The following DPYD variants were observed in gnomAD, a reference collection of about 807,000 sequenced individuals.
The protein encoded by DPYD is dihydropyrimidine dehydrogenase.
A neutral mutation model predicts 116.2 loss-of-function variants in DPYD; 109 were observed. The ratio of observed to expected loss-of-function variants is 0.94; its 90% CI spans 0.80 to 1.10. DPYD has a LOEUF of 1.10. DPYD is among the 50% of genes least tolerant of loss of function. DPYD has a pLI of 0.00. For synonymous variants in DPYD, 440 were observed against 432.0 expected (o/e 1.02, Z -0.23); for missense variants, 1,302 against 1,254.5 (o/e 1.04, Z -0.57).
chr1:97,698,386 T>C (rs1051203724), intron 6 of DPYD, among the ~76,000 whole-genome samples: 1 of 151,862 alleles, frequency 6.6e-6, no homozygotes, highest in Non-Finnish European at 1.5e-5. Flanking sequence ...GCTTAGCATA[T>C]TGTTGTTTGA....
At chr1:97,641,653 G>A (rs1321359019) in intron 8 of DPYD, among the ~76,000 whole-genome samples, 1 of 152,090 alleles carries the variant, frequency 6.6e-6, no homozygotes, top group East Asian at 1.9e-4. Context: ...ACACTGAATG[G>A]GCAAAAGCTG....
intron 19 of DPYD, among the ~76,000 whole-genome samples, chr1:97,227,331 C>CAAAAAAAAAAAAAAAAAAAAAAAA (rs60992225): frequency 5.3e-4 from 14 of 26,376 alleles, no homozygotes; most frequent in East Asian, 7.1e-4. Flanking sequence ...GACTCTATCT[C>CAAAAAAAAAAAAAAAAAAAAAAAA]AAAAAAAAAA....
chr1:97,785,053 T>C (rs1364922887), intron 3 of DPYD, among the ~76,000 whole-genome samples: 2 of 152,198 alleles, frequency 1.3e-5, no homozygotes, highest in Admixed American at 1.3e-4. Context: ...AATTTATTAA[T>C]CTTTGCTGTC....
chr1:97,769,066 T>C (rs915347425), intron 3 of DPYD, among the ~76,000 whole-genome samples: 8 of 152,112 alleles, frequency 5.3e-5, no homozygotes, highest in Non-Finnish European at 1.2e-4. Flanking sequence ...TACTAAGATA[T>C]AACTTATAAG....
intron 19 of DPYD, among the ~76,000 whole-genome samples, chr1:97,221,831 C>A (rs911928267): frequency 6.6e-6 from 1 of 152,104 alleles, no homozygotes; most frequent in East Asian, 1.9e-4. Context: ...ACTCAACAAC[C>A]AACTTTGTTC....
chr1:97,762,518 C>A (rs928932750), intron 3 of DPYD, among the ~76,000 whole-genome samples: 4 of 151,992 alleles, frequency 2.6e-5, no homozygotes, highest in Non-Finnish European at 4.4e-5. Flanking sequence ...AATTATTTCC[C>A]CCTGCTTTTC....
At chr1:97,271,090 T>C (rs1292731626) in intron 18 of DPYD, among the ~76,000 whole-genome samples, 1 of 152,172 alleles carries the variant, frequency 6.6e-6, no homozygotes, top group Non-Finnish European at 1.5e-5. Context: ...TAGAGAAGGT[T>C]TGTTGGCACA....
rs920197128 is a variant in DPYD at position 97,670,364 on chromosome 1, T to G, written c.850+8731A>C. Among the ~76,000 whole-genome samples the G allele has an allele frequency of 2.6e-5, 4 of 152,160 alleles. No homozygotes were observed. In the East Asian group the frequency reaches 7.7e-4, roughly 29 times the overall value. On this transcript the variant is annotated intron_variant, in intron 8 of 22. Transcript: ENST00000370192. ...GGAGATGGGGCCTTTGGGATGTAAT[T>G]AGTTTTAGTTAAACTCATGAAGGTG... is the stretch of plus-strand genomic sequence containing the variant.
At chr1:97,898,195 C>A (rs963456813) in intron 1 of DPYD, among the ~76,000 whole-genome samples, 1 of 146,508 alleles carries the variant, frequency 6.8e-6, no homozygotes, top group African/African-American at 2.4e-5. Context: ...AGTGCTAGTT[C>A]CGTCGGACTG....
intron 3 of DPYD, among the ~76,000 whole-genome samples, chr1:97,752,319 CACACATACACACAT>C (rs1664979077): frequency 6.8e-6 from 1 of 147,328 alleles, no homozygotes; most frequent in Non-Finnish European, 1.5e-5. Flanking sequence ...CACACACACA[CACACATACACACAT>C]ACATTAAATT....
chr1:97,310,727 A>G (rs977119694), intron 16 of DPYD, among the ~76,000 whole-genome samples: 2 of 151,818 alleles, frequency 1.3e-5, no homozygotes, highest in African/African-American at 4.8e-5. Context: ...TTACTAATTA[A>G]CCCAGAAATT....
At chr1:97,297,963 C>A (rs1357815888) in intron 18 of DPYD, among the ~76,000 whole-genome samples, 3 of 152,140 alleles carry the variant, frequency 2.0e-5, no homozygotes, top group East Asian at 1.9e-4. Flanking sequence ...AACATTTAAT[C>A]TTAAAAGAGT....
chr1:97,436,625 T>C (rs1156297945), intron 14 of DPYD, among the ~76,000 whole-genome samples: 1 of 151,988 alleles, frequency 6.6e-6, no homozygotes, highest in Non-Finnish European at 1.5e-5. Flanking sequence ...AATGACTCTT[T>C]TAAAAGGTTT....
chr1:97,316,126 C>A (rs758639876), intron 16 of DPYD, among the ~76,000 whole-genome samples: 1 of 151,910 alleles, frequency 6.6e-6, no homozygotes, highest in Non-Finnish European at 1.5e-5. Flanking sequence ...CCAGAGGAAT[C>A]AGTGTAGATG....
At chr1:97,723,135 A>G (rs1364342466) in intron 4 of DPYD, among the ~76,000 whole-genome samples, 1 of 151,656 alleles carries the variant, frequency 6.6e-6, no homozygotes, top group African/African-American at 2.4e-5. Context: ...AAGCTAATGC[A>G]CGGCTTTCAC....
chr1:97,526,909 A>G (rs2786512), intron 12 of DPYD, among the ~76,000 whole-genome samples: 95,771 of 151,962 alleles, frequency 0.63, 30,302 homozygotes, highest in East Asian at 0.75. Context: ...TCCAGTGATA[A>G]GTATTTTTTA....
chr1:97,234,173 C>G (rs1214595107), intron 19 of DPYD, among the ~76,000 whole-genome samples: 1 of 152,058 alleles, frequency 6.6e-6, no homozygotes, highest in Non-Finnish European at 1.5e-5. Flanking sequence ...ACTACAAAAC[C>G]TGAATGAGAA....
chr1:97,574,900 G>A (rs1230353704), intron 10 of DPYD, among the ~76,000 whole-genome samples: 1 of 152,086 alleles, frequency 6.6e-6, no homozygotes, highest in Non-Finnish European at 1.5e-5. Context: ...TTCCACTGAG[G>A]TTGTGTGTAT....
At chr1:97,369,336 G>C (rs1671195706) in intron 16 of DPYD, among the ~76,000 whole-genome samples, 1 of 152,090 alleles carries the variant, frequency 6.6e-6, no homozygotes, top group African/African-American at 2.4e-5. Context: ...TTTGCTTGTA[G>C]TTTCATATAT....
Sources: gnomAD v4.1 joint callset for allele counts (sites outside exome capture counted in the v4.1 genomes callset) on GRCh38, gnomAD v4.1.1 for gene constraint, MANE v1.5 for transcripts, NCBI Gene and HGNC (gene_info 2026-07-23, HGNC 2026-07-21) for gene names.